PPME1: variants seen among roughly 807,000 people sequenced by gnomAD.
PPME1 encodes the protein testicular secretory protein Li 39.
Under a neutral mutation model 56.9 loss-of-function variants are expected in PPME1, and 17 were observed. That is an observed-to-expected ratio of 0.30 (90% CI 0.20 to 0.45). The LOEUF (loss-of-function observed/expected upper bound fraction) is 0.45. Among genes scored for constraint, PPME1 ranks in the 20% least tolerant of loss-of-function variants. The pLI, the probability that PPME1 is intolerant of heterozygous loss-of-function variation, is 1.00. For synonymous variants in PPME1, 122 were observed against 156.2 expected, an observed-to-expected ratio of 0.78 and a Z score of 1.63; for missense variants, 357 against 483.2, an observed-to-expected ratio of 0.74 and a Z score of 2.45.
At chr11:74,183,503 C>T (rs562078250) in intron 1 of PPME1, among the ~76,000 whole-genome samples, 16 of 152,008 alleles carry the variant, frequency 1.1e-4, no homozygotes, top group African/African-American at 3.4e-4. Flanking sequence ...ATTCTGCTTT[C>T]ATTTATATAT....
chr11:74,209,409 G>A (rs1292535848), intron 3 of PPME1, among the ~76,000 whole-genome samples: 3 of 152,224 alleles, frequency 2.0e-5, no homozygotes, highest in South Asian at 4.1e-4. Context: ...GGCCATGGGA[G>A]CTATTTTTAA....
intron 1 of PPME1, among the ~76,000 whole-genome samples, chr11:74,189,571 G>T (rs527863509): frequency 1.4e-4 from 21 of 152,348 alleles, no homozygotes; most frequent in African/African-American, 4.8e-4. Flanking sequence ...TTGCAGGCAT[G>T]AGCCACTGCA....
chr11:74,247,071 T>G lies in PPME1; in HGVS notation c.965-8T>G. ...ATCTGTTTCACAATGAATTCTCTTG[T>G]TTTCTAGGTGTTGATAGATTGGATA... On this transcript the variant is annotated splice_region_variant and splice_polypyrimidine_tract_variant and intron_variant, in intron 10 of 13. Transcript: ENST00000328257. 1 of 1,609,218 alleles carries G rather than the reference T, an allele frequency of 6.2e-7. No homozygotes were observed. The highest frequency in any genetic ancestry group is 8.5e-7 in the Non-Finnish European group (1 of 1,176,880).
intron 13 of PPME1, chr11:74,252,696 C>T (rs500608): frequency 1.9e-4 from 64 of 341,520 alleles, no homozygotes; most frequent in Admixed American, 3.9e-4. Context: ...CTCCCACACA[C>T]GGTTTTGACA....
At chr11:74,174,019 A>C (rs1424206306) in intron 1 of PPME1, among the ~76,000 whole-genome samples, 1 of 152,132 alleles carries the variant, frequency 6.6e-6, no homozygotes, top group Non-Finnish European at 1.5e-5. Flanking sequence ...TTTCTTTTCT[A>C]CTTTATTGGT....
intron 3 of PPME1, among the ~76,000 whole-genome samples, chr11:74,219,049 T>C (rs1217170680): frequency 6.6e-6 from 1 of 152,058 alleles, no homozygotes; most frequent in African/African-American, 2.4e-5. Context: ...AAAAATCTAA[T>C]AATCTAATTT....
At chr11:74,213,390 C>T (rs1290971880) in intron 3 of PPME1, among the ~76,000 whole-genome samples, 3 of 152,130 alleles carry the variant, frequency 2.0e-5, no homozygotes, top group Non-Finnish European at 4.4e-5. Context: ...TCTGGACTCA[C>T]CTGGGACCAG....
chr11:74,195,558 G>A (rs1418510650), intron 1 of PPME1, among the ~76,000 whole-genome samples: 2 of 152,102 alleles, frequency 1.3e-5, no homozygotes, highest in African/African-American at 2.4e-5. Flanking sequence ...ATAGACATGT[G>A]TCTACAAACA....
intron 1 of PPME1, among the ~76,000 whole-genome samples, chr11:74,182,746 A>C (rs1253950253): frequency 6.6e-6 from 1 of 152,222 alleles, no homozygotes; most frequent in African/African-American, 2.4e-5. Flanking sequence ...ATACATGTTG[A>C]GAACTTCTTA....
chr11:74,217,402 C>T (rs1421031974), intron 3 of PPME1, among the ~76,000 whole-genome samples: 1 of 151,840 alleles, frequency 6.6e-6, no homozygotes, highest in Non-Finnish European at 1.5e-5. Context: ...ATTAGCCAGA[C>T]ATGGTGGCGC....
chr11:74,215,562 A>G (rs957927411), intron 3 of PPME1, among the ~76,000 whole-genome samples: 1 of 152,194 alleles, frequency 6.6e-6, no homozygotes, highest in African/African-American at 2.4e-5. Context: ...ATTTAAACAT[A>G]CCACCAGAGA....
In PPME1 at chr11:74,231,018, T is replaced by C; in HGVS notation, c.644+16T>C. On this transcript the variant is annotated intron_variant, in intron 7 of 13. Transcript: ENST00000328257. ...TTGAATGGAGGTAACCAACAAATCT[T>C]TGTCGCCTTTATTTAATTAATTTGT... 1 of 1,543,470 alleles carries C rather than the reference T, an allele frequency of 6.5e-7. No homozygotes were observed. The highest frequency in any genetic ancestry group is 8.9e-7 in the Non-Finnish European group (1 of 1,129,382).
chr11:74,235,639 C>G (rs558979811), intron 7 of PPME1: 103 of 412,954 alleles, frequency 2.5e-4, no homozygotes, highest in African/African-American at 1.8e-3. Flanking sequence ...GAATTATGTG[C>G]TTTTTGAATA....
At chr11:74,227,797 G>T (rs1167707880) in intron 5 of PPME1, among the ~76,000 whole-genome samples, 1 of 151,980 alleles carries the variant, frequency 6.6e-6, no homozygotes, top group African/African-American at 2.4e-5. Context: ...TGCTCTGCTT[G>T]ATTTTAATAA....
chr11:74,225,140 A>G lies in PPME1; in HGVS notation c.347-65A>G, dbSNP rs1591052296. Reference sequence around the variant, plus strand: ...TGTCCAAAGATGATATTTTTAAAAGAGAATACTTCTGCTTTTATAATTCCT... The same window carrying G: ...TGTCCAAAGATGATATTTTTAAAAGGGAATACTTCTGCTTTTATAATTCCT... On this transcript the variant is annotated intron_variant, in intron 4 of 13. Transcript: ENST00000328257. 7 of 1,106,248 alleles carry G rather than the reference A, an allele frequency of 6.3e-6. No homozygotes were observed. The East Asian group carries it at 1.6e-4, about 25-fold the overall frequency. The allele number at this position is 1,106,248 out of a possible 1,614,324, so 68.5% of individuals were successfully genotyped here.
Position 74,251,672 on chromosome 11 carries a change from C to G in PPME1, c.1099C>G (p.Leu367Val). ...DKVAEAVATF[L>V]IRHRFAEPIG... is the part of the protein sequence containing the mutation. ...GGTAGCTGAAGCTGTTGCCACTTTC[C>G]TGATCCGGCACAGGTTTGCAGAACC... Residue 367 changes from leucine (L) to valine (V), a missense_variant, in exon 13 of 14, where the codon CTG (leucine) becomes GTG (valine). This residue lies in a region of PPME1 where 182 missense variants were observed against 293.8 expected (regional missense o/e 0.62). Coordinates refer to ENST00000328257, the MANE Select transcript of PPME1 (RefSeq NM_016147.3). 6.2e-7 allele frequency: 1 copy of G among 1,613,880 alleles called. No individual in the cohort carries two copies.
chr11:74,180,169 A>T lies in PPME1; in HGVS notation c.101+8647A>T, dbSNP rs79756485. On this transcript the variant is annotated intron_variant, in intron 1 of 13. Transcript: ENST00000328257. ...CTCCTTCCTCCTGGCTTTCCTTAGG[A>T]TTTGATCATATAATTTTGTTGGTTT... Among the ~76,000 whole-genome samples, 427 of 151,734 alleles carry T rather than the reference A, an allele frequency of 2.8e-3. 3 individuals are homozygous for T. Among genetic ancestry groups the T allele is most frequent in the African/African-American group, 9.1e-3 (376 of 41,338 alleles).
intron 9 of PPME1, among the ~76,000 whole-genome samples, chr11:74,244,357 T>C (rs1859453396): frequency 6.6e-6 from 1 of 152,248 alleles, no homozygotes; most frequent in Admixed American, 6.5e-5. Context: ...ATGTTTTTCT[T>C]ATTGGTTGAA....
intron 7 of PPME1, among the ~76,000 whole-genome samples, chr11:74,233,745 C>A (rs2135665214): frequency 6.6e-6 from 1 of 152,168 alleles, no homozygotes; most frequent in South Asian, 2.1e-4. Context: ...TCATTTGAGC[C>A]CAGAAGTTCA....
Sources: gnomAD v4.1 joint callset for allele counts (sites outside exome capture counted in the v4.1 genomes callset) on GRCh38, gnomAD v4.1.1 for gene constraint, gnomAD v4.1.1 regional missense constraint, MANE v1.5 for transcripts, NCBI Gene and HGNC (gene_info 2026-07-23, HGNC 2026-07-21) for gene names.